Variants in SLCO6A1 observed in about 807,000 individuals in gnomAD.
The protein encoded by SLCO6A1 is solute carrier organic anion transporter family member 6A1.
SLCO6A1 carries 65 observed loss-of-function variants against 72.7 expected under a neutral mutation model. The ratio of observed to expected loss-of-function variants is 0.89; its 90% CI spans 0.73 to 1.10. The LOEUF is 1.10. Among genes scored for constraint, SLCO6A1 ranks in the 50% least tolerant of loss-of-function variants. The pLI is 0.00. For missense variants in SLCO6A1, 874 were observed against 872.6 expected (o/e 1.00, Z -0.02); for synonymous variants, 314 against 298.2 (o/e 1.05, Z -0.55).
chr5:102,455,094 T>C (rs1246952826), intron 6 of SLCO6A1, among the ~76,000 whole-genome samples: 1 of 149,590 alleles, frequency 6.7e-6, no homozygotes, highest in East Asian at 1.9e-4. Flanking sequence ...CCTGGGAATA[T>C]AAGGTGAGAT....
intron 4 of SLCO6A1, among the ~76,000 whole-genome samples, chr5:102,471,667 G>A (rs1751616242): frequency 6.6e-6 from 1 of 151,972 alleles, no homozygotes; most frequent in East Asian, 1.9e-4. Flanking sequence ...TCCCTAGCAA[G>A]AATATCTGTG....
chr5:102,479,031 C>G (rs1180512769), intron 2 of SLCO6A1, among the ~76,000 whole-genome samples: 1 of 152,154 alleles, frequency 6.6e-6, no homozygotes, highest in Non-Finnish European at 1.5e-5. Flanking sequence ...CTGTACTCCA[C>G]CTACCTTGGC....
chr5:102,449,017 T>C (rs1255097946), intron 6 of SLCO6A1, among the ~76,000 whole-genome samples: 3 of 152,206 alleles, frequency 2.0e-5, no homozygotes, highest in South Asian at 4.1e-4. Context: ...TTCATTTCCA[T>C]GTTTAGCATC....
Position 102,444,308 on chromosome 5 carries a change from G to T in SLCO6A1, c.1132-5547C>A, listed in dbSNP as rs547968519. 2.6e-5 allele frequency among the ~76,000 whole-genome samples: 4 copies of T among 152,182 alleles called. No homozygotes were observed. The South Asian group carries it at 8.3e-4, about 32-fold the overall frequency. Reference sequence around the variant, plus strand: ...CATATAGTGTCCCAACTAATTTCTAGAATTTTATCTTTCAAGCATTGATTT... The same window carrying T: ...CATATAGTGTCCCAACTAATTTCTATAATTTTATCTTTCAAGCATTGATTT... On this transcript the variant is annotated intron_variant, in intron 6 of 13. Coordinates refer to ENST00000506729, the MANE Select transcript of SLCO6A1 (RefSeq NM_173488.5).
chr5:102,468,891 T>C (rs988827983), intron 4 of SLCO6A1, among the ~76,000 whole-genome samples: 2 of 152,186 alleles, frequency 1.3e-5, no homozygotes, highest in Admixed American at 1.3e-4. Context: ...TAACCAGTTT[T>C]CCCAGCACCA....
chr5:102,433,253 T>C (rs554474052), intron 7 of SLCO6A1, among the ~76,000 whole-genome samples: 2 of 152,338 alleles, frequency 1.3e-5, no homozygotes, highest in East Asian at 3.9e-4. Flanking sequence ...ATATTCTGAA[T>C]TCTATTTCAG....
At chr5:102,495,238 G>A (rs1752855717) in intron 1 of SLCO6A1, among the ~76,000 whole-genome samples, 3 of 152,208 alleles carry the variant, frequency 2.0e-5, no homozygotes, top group Admixed American at 6.5e-5. Flanking sequence ...GTAGGAGGTA[G>A]GAGCAGGAAG....
intron 1 of SLCO6A1, among the ~76,000 whole-genome samples, chr5:102,484,435 G>C (rs1177138468): frequency 1.3e-5 from 2 of 152,132 alleles, no homozygotes; most frequent in African/African-American, 4.8e-5. Flanking sequence ...GGATACCTGA[G>C]ATCAGGAGTT....
At chr5:102,422,451 A>C (rs1273314052) in intron 7 of SLCO6A1, among the ~76,000 whole-genome samples, 1 of 152,210 alleles carries the variant, frequency 6.6e-6, no homozygotes, top group African/African-American at 2.4e-5. Flanking sequence ...GAGCTGAAAA[A>C]CACAGCACAA....
chr5:102,458,300 A>T lies in SLCO6A1; in HGVS notation c.1131+82T>A, dbSNP rs1422218160. On this transcript the variant is annotated intron_variant, in intron 6 of 13. Transcript: ENST00000506729. ...CACCCAGATTTAGGTTGAACCCTTT[A>T]TGGGTATTTTCATAAGTTCATTATT... 4 of 1,030,108 alleles carry T rather than the reference A, an allele frequency of 3.9e-6. No homozygotes were observed. In the East Asian group the frequency reaches 9.5e-5, roughly 25 times the overall value. The allele number at this position is 1,030,108 out of a possible 1,614,324, so 63.8% of individuals were successfully genotyped here.
At chr5:102,381,733 T>TTG (rs1174493262) in intron 12 of SLCO6A1, among the ~76,000 whole-genome samples, 4 of 141,206 alleles carry the variant, frequency 2.8e-5, no homozygotes, top group African/African-American at 1.1e-4. Context: ...ATATTTATCT[T>TTG]TTTTTTTTTT....
At chr5:102,438,458 A>G in intron 7 of SLCO6A1, 159 bp downstream of exon 7, 1 of 504,270 alleles carries the variant, frequency 2.0e-6, no homozygotes. Flanking sequence ...TGTTAAAAAT[A>G]TTGACACTAT....
chr5:102,415,090 G>T (rs1748209364), intron 8 of SLCO6A1, among the ~76,000 whole-genome samples: 1 of 152,010 alleles, frequency 6.6e-6, no homozygotes, highest in Non-Finnish European at 1.5e-5. Context: ...AACTTTCCAT[G>T]ATCATGGATC....
chr5:102,410,224 C>A (rs192050273), intron 9 of SLCO6A1, among the ~76,000 whole-genome samples: 1 of 152,104 alleles, frequency 6.6e-6, no homozygotes, highest in Admixed American at 6.5e-5. Context: ...AGAGAGGAGT[C>A]CCTCGAGAGG....
intron 7 of SLCO6A1, among the ~76,000 whole-genome samples, chr5:102,424,256 A>C (rs563632719): frequency 6.6e-6 from 1 of 152,280 alleles, no homozygotes; most frequent in East Asian, 1.9e-4. Context: ...GCAGAAGACA[A>C]GACATAATTA....
In SLCO6A1 at chr5:102,413,125, G is replaced by A; in HGVS notation, c.1491C>T (p.Asn497=). The change falls in exon 9 of 14, where the codon AAC becomes AAT. Residue 497 remains asparagine (N), a synonymous_variant. Transcript: ENST00000506729. ...EDYDGTGKLG[N]LTAPCNEKCR... Reference sequence around the variant, plus strand: ...ATTTTTCATTGCAAGGAGCCGTGAGGTTTCCCAACTTCCCTGTTCTGTAAA... The same window carrying A: ...ATTTTTCATTGCAAGGAGCCGTGAGATTTCCCAACTTCCCTGTTCTGTAAA... The A allele has an allele frequency of 1.3e-6, 2 of 1,564,422 alleles. No homozygotes were observed. The highest frequency in any genetic ancestry group is 1.3e-5 in the South Asian group (1 of 77,902).
chr5:102,380,910 C>A (rs915045600), intron 12 of SLCO6A1, among the ~76,000 whole-genome samples: 5 of 151,812 alleles, frequency 3.3e-5, no homozygotes, highest in Admixed American at 2.6e-4. Context: ...AGCATGCCAA[C>A]CACCAGTCCA....
chr5:102,399,818 T>C, intron 9 of SLCO6A1, 76 bp from the exon 10 acceptor site: 2 of 1,090,400 alleles, frequency 1.8e-6, no homozygotes, highest in Non-Finnish European at 2.5e-6. Flanking sequence ...AAAATAAAAA[T>C]TAAATCAATA....
chr5:102,472,515 C>T (rs890554749), intron 4 of SLCO6A1, among the ~76,000 whole-genome samples: 18 of 151,846 alleles, frequency 1.2e-4, no homozygotes, highest in African/African-American at 4.1e-4. Context: ...AACAAGAGAA[C>T]AAGAAAAGTT....
Sources: gnomAD v4.1 joint callset for allele counts (sites outside exome capture counted in the v4.1 genomes callset) on GRCh38, gnomAD v4.1.1 for gene constraint, MANE v1.5 for transcripts, NCBI Gene and HGNC (gene_info 2026-07-23, HGNC 2026-07-21) for gene names.